Variants in RBFOX1 observed in about 807,000 individuals in gnomAD.
RBFOX1 encodes the protein RNA binding protein fox-1 homolog 1.
Under a neutral mutation model 57.7 loss-of-function variants are expected in RBFOX1, and 8 were observed. The observed-to-expected ratio is 0.14, with a 90% CI of 0.08 to 0.25. The LOEUF is 0.25. Among genes scored for constraint, RBFOX1 ranks in the 10% least tolerant of loss-of-function variants. The pLI is 1.00. For synonymous variants in RBFOX1, 326 were observed against 222.4 expected, an observed-to-expected ratio of 1.47 and a Z score of -4.15; for missense variants, 611 against 548.5, an observed-to-expected ratio of 1.11 and a Z score of -1.14.
chr16:5,672,997 C>T (rs1339764323), intron 3 of RBFOX1, among the ~76,000 whole-genome samples: 2 of 151,898 alleles, frequency 1.3e-5, no homozygotes, highest in African/African-American at 2.4e-5. Flanking sequence ...CAGAAACGTG[C>T]TTGGCTGCAG....
intron 4 of RBFOX1, among the ~76,000 whole-genome samples, chr16:7,236,140 G>C (rs938446627): frequency 3.9e-5 from 6 of 152,070 alleles, no homozygotes; most frequent in Non-Finnish European, 8.8e-5. Flanking sequence ...GTCATATCCT[G>C]CTCACCTAAA....
At chr16:5,750,769 T>G (rs531279534) in intron 3 of RBFOX1, among the ~76,000 whole-genome samples, 1 of 152,328 alleles carries the variant, frequency 6.6e-6, no homozygotes, top group South Asian at 2.1e-4. Flanking sequence ...CTGCCACAGC[T>G]TCCCTTGGCT....
At chr16:6,825,850 G>C (rs141879808) in intron 3 of RBFOX1, among the ~76,000 whole-genome samples, 43 of 152,278 alleles carry the variant, frequency 2.8e-4, no homozygotes, top group African/African-American at 1.0e-3. Flanking sequence ...CCGGAAGGAG[G>C]AATGAATATC....
chr16:6,304,635 C>G (rs373444326), intron 1 of RBFOX1, among the ~76,000 whole-genome samples: 1 of 152,064 alleles, frequency 6.6e-6, no homozygotes, highest in Admixed American at 6.6e-5. Flanking sequence ...GTAATCCCAG[C>G]ACTTTGGGAG....
intron 14 of RBFOX1, among the ~76,000 whole-genome samples, chr16:7,687,907 G>A (rs1239214215): frequency 6.6e-6 from 1 of 151,806 alleles, no homozygotes; most frequent in Non-Finnish European, 1.5e-5. Flanking sequence ...CAACCCCAGG[G>A]GTTTTTCAGG....
At chr16:7,127,563 A>T (rs1242232566) in intron 4 of RBFOX1, among the ~76,000 whole-genome samples, 4 of 152,176 alleles carry the variant, frequency 2.6e-5, no homozygotes, top group African/African-American at 4.8e-5. Context: ...ACGAGCGTGC[A>T]TGTGTGTGGG....
chr16:5,680,553 T>TC (rs1302819454), intron 3 of RBFOX1, among the ~76,000 whole-genome samples: 1 of 151,864 alleles, frequency 6.6e-6, no homozygotes, highest in Admixed American at 6.6e-5. Flanking sequence ...CACATGGGAG[T>TC]CTCTAGACTT....
intron 4 of RBFOX1, among the ~76,000 whole-genome samples, chr16:5,897,710 G>T (rs1479001819): frequency 6.6e-6 from 1 of 152,114 alleles, no homozygotes; most frequent in African/African-American, 2.4e-5. Context: ...AGACTGTTCA[G>T]TTTGAAAGAC....
intron 4 of RBFOX1, among the ~76,000 whole-genome samples, chr16:7,251,002 A>G (rs536683438): frequency 3.4e-4 from 32 of 93,556 alleles, no homozygotes; most frequent in African/African-American, 2.1e-3. Flanking sequence ...TCTGATATAC[A>G]TTTTTGTAGT....
intron 3 of RBFOX1, among the ~76,000 whole-genome samples, chr16:6,838,937 T>C (rs2093299580): frequency 7.1e-6 from 1 of 141,774 alleles, no homozygotes; most frequent in East Asian, 2.0e-4. Flanking sequence ...TGGTTTTTGA[T>C]TTTTTTTTTT....
chr16:5,420,830 C>T (rs2067296481), intron 1 of RBFOX1, among the ~76,000 whole-genome samples: 1 of 151,780 alleles, frequency 6.6e-6, no homozygotes, highest in South Asian at 2.1e-4. Flanking sequence ...GCCACCATGC[C>T]CAGCCATCGT....
chr16:5,432,559 G>GTTTTTTTTTTTTTTTTTGTTTT (rs35344614), intron 1 of RBFOX1, among the ~76,000 whole-genome samples: 2 of 94,218 alleles, frequency 2.1e-5, no homozygotes, highest in Non-Finnish European at 2.0e-5. Flanking sequence ...TTGTTTGTTT[G>GTTTTTTTTTTTTTTTTTGTTTT]TTTTTTTTTT....
chr16:7,682,864 T>A (rs565992823), intron 14 of RBFOX1, among the ~76,000 whole-genome samples: 1 of 149,162 alleles, frequency 6.7e-6, no homozygotes, highest in African/African-American at 2.5e-5. Flanking sequence ...TTTTGCCTAT[T>A]CAGACTCTCC....
rs144991143 is a variant in RBFOX1 at position 6,908,251 on chromosome 16, C to T, written c.-15-143806C>T. Among the ~76,000 whole-genome samples, 135 of 151,860 alleles carry T rather than the reference C, an allele frequency of 8.9e-4. 1 individual carries two copies. In the Middle Eastern group the frequency reaches 0.014, roughly 15 times the overall value. ...ATCTGGCATTTCATCTTCTCTCCTC[C>T]AGCCTTTCGGGTGTCCTCTCCTGCG... On this transcript the variant is annotated intron_variant, in intron 3 of 15. Transcript: ENST00000550418.
At chr16:7,031,277 C>T (rs1188588636) in intron 3 of RBFOX1, among the ~76,000 whole-genome samples, 2 of 152,076 alleles carry the variant, frequency 1.3e-5, no homozygotes, top group Non-Finnish European at 2.9e-5. Context: ...GTTGTTTAAC[C>T]TTTGTGACTA....
At chr16:7,342,821 T>G (rs1300972424) in intron 4 of RBFOX1, among the ~76,000 whole-genome samples, 1 of 152,146 alleles carries the variant, frequency 6.6e-6, no homozygotes, top group Non-Finnish European at 1.5e-5. Context: ...CCTAAGCCAA[T>G]AGCCTGCATA....
chr16:6,323,630 A>T (rs2082050216), intron 2 of RBFOX1, among the ~76,000 whole-genome samples: 1 of 152,226 alleles, frequency 6.6e-6, no homozygotes, highest in African/African-American at 2.4e-5. Context: ...TTGAAAGATT[A>T]AGGGAGCAAT....
chr16:7,416,385 T>G (rs1187259358), intron 4 of RBFOX1, among the ~76,000 whole-genome samples: 1 of 152,214 alleles, frequency 6.6e-6, no homozygotes, highest in Non-Finnish European at 1.5e-5. Flanking sequence ...TTCCCTGTAG[T>G]TCTTCTCTCT....
chr16:7,138,265 T>C (rs968373340), intron 4 of RBFOX1, among the ~76,000 whole-genome samples: 1 of 151,982 alleles, frequency 6.6e-6, no homozygotes, highest in African/African-American at 2.4e-5. Context: ...GGTGCAGATA[T>C]AAAGGGAGAA....
Sources: allele counts gnomAD v4.1 joint callset (sites outside exome capture counted in the v4.1 genomes callset), GRCh38; gene constraint gnomAD v4.1.1; transcripts MANE v1.5; gene names NCBI Gene and HGNC (gene_info 2026-07-23, HGNC 2026-07-21).